Variants in EFCAB14 observed in about 807,000 individuals in gnomAD.
EFCAB14 encodes the protein EF-hand calcium-binding domain-containing protein 14.
In EFCAB14, 43 loss-of-function variants were observed where a neutral mutation model predicts 56.5. The observed-to-expected ratio is 0.76, with a 90% CI of 0.60 to 0.98. EFCAB14 has a LOEUF of 0.98. Ranked by LOEUF, EFCAB14 falls within the 50% of genes least tolerant of loss-of-function variation. The pLI, the probability that EFCAB14 is intolerant of heterozygous loss-of-function variation, is 0.00. For synonymous variants in EFCAB14, 235 were observed against 212.9 expected (o/e 1.10, Z -0.90); for missense variants, 538 against 580.3 (o/e 0.93, Z 0.75).
intron 8 of EFCAB14, among the ~76,000 whole-genome samples, chr1:46,686,136 A>T (rs2148839800): frequency 6.6e-6 from 1 of 152,292 alleles, no homozygotes; most frequent in South Asian, 2.1e-4. Context: ...TTAACACTCT[A>T]ATCAGAGAAT....
intron 4 of EFCAB14, among the ~76,000 whole-genome samples, chr1:46,694,209 A>C (rs968896805): frequency 2.6e-5 from 4 of 152,334 alleles, no homozygotes; most frequent in Non-Finnish European, 1.5e-5. Flanking sequence ...AATGGCAACA[A>C]AAGCCAAAAT....
intron 10 of EFCAB14, among the ~76,000 whole-genome samples, chr1:46,678,899 G>T (rs1473804911): frequency 6.6e-6 from 1 of 151,830 alleles, no homozygotes; most frequent in South Asian, 2.1e-4. Context: ...GAGGCAGGAG[G>T]ATTGCTTGAG....
intron 3 of EFCAB14, among the ~76,000 whole-genome samples, chr1:46,697,961 C>T (rs575004168): frequency 6.6e-6 from 1 of 150,892 alleles, no homozygotes; most frequent in South Asian, 2.1e-4. Context: ...AAGTGATTCT[C>T]GTGCCTCAGC....
In EFCAB14 at chr1:46,705,039, T is replaced by A. The variant is rs181875437; in HGVS notation, c.480+2867A>T. On this transcript the variant is annotated intron_variant, in intron 3 of 10. Coordinates refer to ENST00000371933, the MANE Select transcript of EFCAB14 (RefSeq NM_014774.3). ...CCACTAAAAGCATCTTAAGTGACAGTTATGTTTAGATATGGAAACATAGTT... is the reference window on the plus strand; with the variant it reads ...CCACTAAAAGCATCTTAAGTGACAGATATGTTTAGATATGGAAACATAGTT... 3.0e-3 allele frequency among the ~76,000 whole-genome samples: 464 copies of A among 152,360 alleles called. 5 individuals carry two copies. The highest frequency in any genetic ancestry group is 0.024 in the Middle Eastern group (7 of 294).
At chr1:46,680,774 A>C (rs1423694108) in intron 10 of EFCAB14, among the ~76,000 whole-genome samples, 2 of 152,254 alleles carry the variant, frequency 1.3e-5, no homozygotes, top group East Asian at 1.9e-4. Flanking sequence ...CAGAGGAATT[A>C]TCTCTCCAAA....
rs1677257112 is a variant in EFCAB14, at chr1:46,707,996, T to C, written c.390A>G (p.Leu130=). Residue 130 remains leucine (L), a synonymous_variant, in exon 3 of 11, where the codon CTA becomes CTG. Coordinates refer to ENST00000371933, the MANE Select transcript of EFCAB14 (RefSeq NM_014774.3). ...TCTCAAGTTGTTTTTGCTTGCTGAG[T>C]AGTTCTTCATTAAGTTTGGGGATTT... is the stretch of plus-strand genomic sequence containing the variant. ...FQEIPKLNEE[L]LSKQKQLEKI... 1 of 1,612,952 alleles carries C rather than the reference T, an allele frequency of 6.2e-7. No individual in the cohort carries two copies. The highest frequency in any genetic ancestry group is 8.5e-7 in the Non-Finnish European group (1 of 1,179,730).
intron 3 of EFCAB14, among the ~76,000 whole-genome samples, chr1:46,703,403 C>T (rs1030920339): frequency 1.3e-5 from 2 of 152,182 alleles, no homozygotes; most frequent in African/African-American, 4.8e-5. Flanking sequence ...CCACTGTGCC[C>T]GGCCTGCTCA....
chr1:46,683,810 A>G (rs144422391), intron 9 of EFCAB14, among the ~76,000 whole-genome samples: 1 of 152,334 alleles, frequency 6.6e-6, no homozygotes, highest in Non-Finnish European at 1.5e-5. Context: ...GCCACCCGCT[A>G]AGCTGGTGCT....
chr1:46,695,050 G>T (rs974659957), intron 4 of EFCAB14, among the ~76,000 whole-genome samples: 3 of 145,434 alleles, frequency 2.1e-5, no homozygotes, highest in African/African-American at 7.7e-5. Flanking sequence ...GACACAGGAA[G>T]GGGAACATCA....
At chr1:46,685,597 G>A (rs1676868817) in intron 8 of EFCAB14, among the ~76,000 whole-genome samples, 1 of 152,210 alleles carries the variant, frequency 6.6e-6, no homozygotes. Flanking sequence ...ATGTTTGGAT[G>A]AGGTAGGACA....
intron 4 of EFCAB14, 126 bp from the exon 5 acceptor site, chr1:46,692,063 T>C: frequency 1.6e-6 from 1 of 641,784 alleles, no homozygotes; most frequent in Non-Finnish European, 2.6e-6. Flanking sequence ...AAACCAGTAC[T>C]ACAATCAAGA....
At chr1:46,696,107 CTT>C (rs576354908) in intron 4 of EFCAB14, among the ~76,000 whole-genome samples, 141 of 139,260 alleles carry the variant, frequency 1.0e-3, no homozygotes, top group African/African-American at 2.5e-3. Context: ...CCCAGGTCAT[CTT>C]TTTTTTTTTT....
At chr1:46,682,771 C>A (rs1676816277) in intron 10 of EFCAB14, among the ~76,000 whole-genome samples, 3 of 152,214 alleles carry the variant, frequency 2.0e-5, no homozygotes, top group Non-Finnish European at 4.4e-5. Flanking sequence ...TGCTTGTAAT[C>A]CCAGCACTTC....
chr1:46,714,953 T>C (rs1264668846), intron 2 of EFCAB14, among the ~76,000 whole-genome samples: 1 of 152,184 alleles, frequency 6.6e-6, no homozygotes, highest in Non-Finnish European at 1.5e-5. Context: ...TTCTGACAGT[T>C]GCACAGTGTT....
intron 3 of EFCAB14, among the ~76,000 whole-genome samples, chr1:46,706,007 G>C (rs1677228065): frequency 1.3e-5 from 2 of 151,866 alleles, no homozygotes; most frequent in African/African-American, 4.8e-5. Context: ...TGGGACTAAA[G>C]GTGTACGCCA....
rs1676843742 is a variant in EFCAB14 at position 46,684,335 on chromosome 1, C to G, written c.1186+156G>C. 3 of 608,760 alleles carry G rather than the reference C, an allele frequency of 4.9e-6. No homozygotes were observed. The East Asian group carries it at 8.2e-5, about 17-fold the overall frequency. The allele number at this position is 608,760 out of a possible 1,614,324, so 37.7% of individuals were successfully genotyped here. ...AAATCATGTACAAAATGGGCCTTTT[C>G]TAAATGAAAGCAAAGTGTATCAGCT... On this transcript the variant is annotated intron_variant, in intron 9 of 10. Coordinates refer to ENST00000371933, the MANE Select transcript of EFCAB14 (RefSeq NM_014774.3).
chr1:46,684,627 G>A, intron 8 of EFCAB14, 25 bp from the exon 9 acceptor site: 1 of 1,580,452 alleles, frequency 6.3e-7, no homozygotes, highest in Non-Finnish European at 8.7e-7. Flanking sequence ...GATTATAGAA[G>A]GTTTAAGGTG....
In EFCAB14 at chr1:46,675,203, CTG is replaced by C. The variant is rs1676674599; in HGVS notation, c.*3256_*3257del. On this transcript the variant is annotated 3_prime_UTR_variant, in exon 11 of 11. Coordinates refer to ENST00000371933, the MANE Select transcript of EFCAB14 (RefSeq NM_014774.3). The stretch of plus-strand genomic sequence containing the variant: ...TTTTTATTTAGCTAAATTAAAATGG[CTG>C]TGTTACTTATTTGAAATATGCAAAG... The C allele has an allele frequency of 1.3e-5, 2 of 152,582 alleles. No individual in the cohort carries two copies. The highest frequency in any genetic ancestry group is 2.4e-5 in the African/African-American group (1 of 41,514). The allele number at this position is 152,582 out of a possible 1,614,324, so 9.5% of individuals were successfully genotyped here. A position where few individuals can be genotyped will look rare whatever the true frequency, so the allele number is the denominator to read the frequency against.
chr1:46,696,662 G>C lies in EFCAB14; in HGVS notation c.481-13C>G. On this transcript the variant is annotated splice_polypyrimidine_tract_variant and intron_variant, in intron 3 of 10. Transcript: ENST00000371933. ...TCAACAGAGAAATCTGAACAAAAAA[G>C]AGTAACAAACAATGAAAACAAATGA... The C allele has an allele frequency of 6.2e-7, 1 of 1,610,878 alleles. No individual in the cohort carries two copies. Among genetic ancestry groups the C allele is most frequent in the Non-Finnish European group, 8.5e-7 (1 of 1,177,494 alleles).
Sources: gnomAD v4.1 joint callset for allele counts (sites outside exome capture counted in the v4.1 genomes callset) on GRCh38, gnomAD v4.1.1 for gene constraint, MANE v1.5 for transcripts, NCBI Gene and HGNC (gene_info 2026-07-23, HGNC 2026-07-21) for gene names.